Variants in NID1 observed in about 807,000 individuals in gnomAD.
The protein encoded by NID1 is nidogen 1, also known as nidogen-1.
NID1 carries 76 observed loss-of-function variants against 130.6 expected under a neutral mutation model. The observed-to-expected ratio is 0.58, with a 90% CI of 0.48 to 0.70. The LOEUF (loss-of-function observed/expected upper bound fraction) is 0.70, where lower values mean the gene tolerates loss of function less well. NID1 is among the 30% of genes least tolerant of loss of function. NID1 has a pLI of 0.00. For synonymous variants in NID1, 665 were observed against 675.1 expected (o/e 0.98, Z 0.23); for missense variants, 1,517 against 1,664.8 (o/e 0.91, Z 1.54).
At chr1:235,984,870 G>T (rs1158417074) in intron 15 of NID1, among the ~76,000 whole-genome samples, 1 of 152,124 alleles carries the variant, frequency 6.6e-6, no homozygotes, top group African/African-American at 2.4e-5. Flanking sequence ...TTCCTCAATT[G>T]AGGAATTGAG....
chr1:236,038,396 T>C, intron 4 of NID1, 143 bp from the exon 5 acceptor site: 1 of 748,864 alleles, frequency 1.3e-6, no homozygotes, highest in East Asian at 3.0e-5. Flanking sequence ...TACAGAAGAT[T>C]ACAATCCCCT....
At chr1:235,983,440 T>G (rs1657492055) in intron 15 of NID1, among the ~76,000 whole-genome samples, 1 of 152,190 alleles carries the variant, frequency 6.6e-6, no homozygotes. Flanking sequence ...GAGACTGACC[T>G]CCAAAGGTCC....
intron 13 of NID1, among the ~76,000 whole-genome samples, chr1:235,991,484 C>A (rs773420158): frequency 2.0e-5 from 3 of 152,154 alleles, no homozygotes; most frequent in Non-Finnish European, 4.4e-5. Context: ...AGGCATGCAC[C>A]ACCATACCCA....
At chr1:235,992,912 C>T (rs1163029156) in intron 13 of NID1, among the ~76,000 whole-genome samples, 2 of 152,226 alleles carry the variant, frequency 1.3e-5, no homozygotes, top group African/African-American at 2.4e-5. Flanking sequence ...ACATTTGCAA[C>T]GGAAGGAGAA....
At chr1:236,030,753 A>C (rs1298259365) in intron 6 of NID1, among the ~76,000 whole-genome samples, 5 of 152,280 alleles carry the variant, frequency 3.3e-5, no homozygotes, top group Non-Finnish European at 5.9e-5. Context: ...AGTATCTCAA[A>C]GATAACACAG....
intron 1 of NID1, among the ~76,000 whole-genome samples, chr1:236,063,289 T>C (rs1660093835): frequency 6.6e-6 from 1 of 151,634 alleles, no homozygotes; most frequent in African/African-American, 2.4e-5. Flanking sequence ...CTGGCCAACA[T>C]GGTGAAACCA....
rs1659313956 is a variant in NID1, at chr1:236,038,098, A to G, written c.1285+6T>C. The stretch of plus-strand genomic sequence containing the variant: ...CGCATGAAACGAACATAGAAAAGCA[A>G]ATTACCTTCTGCAACACATTGCCTG... On this transcript the variant is annotated splice_donor_region_variant and intron_variant, in intron 5 of 19. Transcript: ENST00000264187. 6.3e-7 allele frequency: 1 copy of G among 1,590,326 alleles called. No individual in the cohort carries two copies. The highest frequency in any genetic ancestry group is 8.6e-7 in the Non-Finnish European group (1 of 1,162,904).
rs562870815 is a variant in NID1 at position 235,987,584 on chromosome 1, G to A, written c.2929-2079C>T. On this transcript the variant is annotated intron_variant, in intron 14 of 19. Transcript: ENST00000264187. Reference sequence around the variant, plus strand: ...TAGATGCTGCCCATGAGAGGCTCAGGAAGAAGCTGCCGGGCTGTATGATCT... The same window carrying A: ...TAGATGCTGCCCATGAGAGGCTCAGAAAGAAGCTGCCGGGCTGTATGATCT... 9.2e-5 allele frequency among the ~76,000 whole-genome samples: 14 copies of A among 152,310 alleles called. 1 individual carries two copies. The South Asian group carries it at 2.9e-3, about 32-fold the overall frequency.
chr1:235,985,594 C>T (rs544351585), intron 14 of NID1, 89 bp from the exon 15 acceptor site: 335 of 1,436,082 alleles, frequency 2.3e-4, no homozygotes, highest in Non-Finnish European at 3.1e-4. Flanking sequence ...ATTTGGATAT[C>T]TTTTGTAATG....
intron 10 of NID1, among the ~76,000 whole-genome samples, chr1:236,013,937 T>C (rs1658508762): frequency 6.6e-6 from 1 of 152,192 alleles, no homozygotes; most frequent in Non-Finnish European, 1.5e-5. Context: ...ACACTTCTGA[T>C]GGCAACTCTG....
At chr1:236,014,791 T>C (rs1658538304) in intron 10 of NID1, among the ~76,000 whole-genome samples, 1 of 152,066 alleles carries the variant, frequency 6.6e-6, no homozygotes. Context: ...TTCACCACAC[T>C]CCATATGCCA....
At chr1:235,991,537 T>G (rs1242394029) in intron 13 of NID1, among the ~76,000 whole-genome samples, 1 of 152,190 alleles carries the variant, frequency 6.6e-6, no homozygotes, top group Non-Finnish European at 1.5e-5. Flanking sequence ...TTCACCATGT[T>G]GGCCAGGCTG....
At chr1:235,999,759 G>A (rs749943113) in intron 12 of NID1, among the ~76,000 whole-genome samples, 140 of 152,072 alleles carry the variant, frequency 9.2e-4, no homozygotes, top group Non-Finnish European at 1.5e-3. Context: ...GAAACAGAGT[G>A]TAAACCAAAA....
At position 235,994,070 on chromosome 1, in the gene NID1, A is replaced by G. The variant is rs183145962; in HGVS notation, c.2528-198T>C. On this transcript the variant is annotated intron_variant, in intron 12 of 19. Coordinates refer to ENST00000264187, the MANE Select transcript of NID1 (RefSeq NM_002508.3). ...GGTTTGTCAAGAAAATGATATTTAC[A>G]TCTCCTTTATACTCCTAGGTAGTTC... Among the ~76,000 whole-genome samples, 555 of 152,386 alleles carry G rather than the reference A, an allele frequency of 3.6e-3. 1 individual carries two copies. Among genetic ancestry groups the G allele is most frequent in the African/African-American group, 0.011 (465 of 41,596 alleles).
intron 1 of NID1, among the ~76,000 whole-genome samples, chr1:236,063,852 G>C (rs1236666375): frequency 6.6e-6 from 1 of 152,220 alleles, no homozygotes; most frequent in Non-Finnish European, 1.5e-5. Flanking sequence ...GTGCAAAGGG[G>C]CCAGGGCAGT....
intron 9 of NID1, among the ~76,000 whole-genome samples, chr1:236,018,917 C>A (rs964153241): frequency 6.6e-6 from 1 of 152,180 alleles, no homozygotes; most frequent in Non-Finnish European, 1.5e-5. Flanking sequence ...TCTAGCCAGG[C>A]CTTTATTGGT....
At chr1:236,037,583 G>T (rs1435873128) in intron 5 of NID1, among the ~76,000 whole-genome samples, 1 of 151,892 alleles carries the variant, frequency 6.6e-6, no homozygotes, top group Non-Finnish European at 1.5e-5. Flanking sequence ...ACTTGAACCT[G>T]GGAGATGAAA....
At chr1:236,062,003 GAA>G (rs1470793900) in intron 1 of NID1, among the ~76,000 whole-genome samples, 2 of 152,092 alleles carry the variant, frequency 1.3e-5, no homozygotes, top group Non-Finnish European at 2.9e-5. Flanking sequence ...TGTCGCTTTG[GAA>G]AACACTTTGA....
chr1:236,048,164 T>C (rs1389606987), intron 2 of NID1, among the ~76,000 whole-genome samples: 1 of 148,936 alleles, frequency 6.7e-6, no homozygotes, highest in Non-Finnish European at 1.5e-5. Context: ...AAACCCTGTC[T>C]CTACTAAAAA....
Sources: gnomAD v4.1 joint callset for allele counts (sites outside exome capture counted in the v4.1 genomes callset) on GRCh38, gnomAD v4.1.1 for gene constraint, MANE v1.5 for transcripts, NCBI Gene and HGNC (gene_info 2026-07-23, HGNC 2026-07-21) for gene names.